The following DDHD2 variants were observed in gnomAD, a reference collection of about 807,000 sequenced individuals.
The protein encoded by DDHD2 is triacylglycerol hydrolase DDHD2.
Under a neutral mutation model 91.2 loss-of-function variants are expected in DDHD2, and 62 were observed. The ratio of observed to expected loss-of-function variants is 0.68; its 90% CI spans 0.55 to 0.84. The LOEUF is 0.84. Ranked by LOEUF, DDHD2 falls within the 40% of genes least tolerant of loss-of-function variation. The pLI, the probability that DDHD2 is intolerant of heterozygous loss-of-function variation, is 0.00. For synonymous variants in DDHD2, 271 were observed against 293.9 expected (o/e 0.92, Z 0.80); for missense variants, 740 against 846.9 (o/e 0.87, Z 1.57).
chr8:38,239,670 G>C (rs1207128298), intron 5 of DDHD2, among the ~76,000 whole-genome samples: 1 of 120,824 alleles, frequency 8.3e-6, no homozygotes, highest in Non-Finnish European at 1.7e-5. Context: ...CTGGGTGACA[G>C]AGCAAGACTC....
intron 9 of DDHD2, chr8:38,246,951 ACT>A (rs1294254521): frequency 2.6e-5 from 4 of 152,264 alleles, no homozygotes; most frequent in Admixed American, 6.5e-5. Flanking sequence ...ATTTATAGAA[ACT>A]CTGTTCGAAA....
chr8:38,268,792 T>C, intron 1 of DDHD2: 2 of 1,445,822 alleles, frequency 1.4e-6, no homozygotes, highest in Non-Finnish European at 1.8e-6. Flanking sequence ...AGTGGGTCCC[T>C]ACAAAGGCCG....
chr8:38,244,023 G>T (rs191442754), intron 7 of DDHD2, among the ~76,000 whole-genome samples: 2 of 151,696 alleles, frequency 1.3e-5, no homozygotes, highest in African/African-American at 4.8e-5. Flanking sequence ...GGCTGGTCTC[G>T]AACTCTTGAC....
intron 16 of DDHD2, 100 bp downstream of exon 16, chr8:38,253,818 G>A: frequency 8.0e-7 from 1 of 1,245,868 alleles, no homozygotes; most frequent in South Asian, 1.4e-5. Flanking sequence ...ATTGGCTCAG[G>A]CTTATAATCT....
At chr8:38,235,871 G>GCACA (rs1439175045) in intron 3 of DDHD2, among the ~76,000 whole-genome samples, 1 of 50,390 alleles carries the variant, frequency 2.0e-5, no homozygotes, top group Non-Finnish European at 4.2e-5. Flanking sequence ...AAAAGTACAC[G>GCACA]CGCACACACA....
At chr8:38,269,096 C>T (rs1214803804) in intron 1 of DDHD2, 1 of 1,525,758 alleles carries the variant, frequency 6.6e-7, no homozygotes, top group African/African-American at 1.4e-5. Flanking sequence ...GAAGCGGGGC[C>T]GCCCGGGCCC....
chr8:38,268,177 T>A, intron 1 of DDHD2: 1 of 1,204,866 alleles, frequency 8.3e-7, no homozygotes, highest in African/African-American at 1.5e-5. Context: ...CCAGTGCATT[T>A]AGGCACAGGG....
intron 5 of DDHD2, among the ~76,000 whole-genome samples, chr8:38,240,066 GA>G (rs1805133772): frequency 6.6e-6 from 1 of 151,898 alleles, no homozygotes; most frequent in Admixed American, 6.6e-5. Context: ...AAAAAGTCCT[GA>G]AAAAAATTTT....
chr8:38,238,279 C>A (rs1267883006), intron 5 of DDHD2, 70 bp downstream of exon 5: 4 of 1,595,700 alleles, frequency 2.5e-6, no homozygotes, highest in Admixed American at 1.7e-5. Context: ...TGACCTTTTT[C>A]TGTGGATTTA....
intron 16 of DDHD2, among the ~76,000 whole-genome samples, chr8:38,259,219 C>CTT (rs34652032): frequency 4.4e-4 from 63 of 142,728 alleles, no homozygotes; most frequent in Middle Eastern, 3.6e-3. Context: ...TTCTTACTGG[C>CTT]TTTTTTTTTT....
Position 38,251,994 on chromosome 8 carries a change from G to A in DDHD2, c.1427G>A (p.Arg476Lys), listed in dbSNP as rs756488480. The A allele has an allele frequency of 1.2e-6, 2 of 1,614,042 alleles. No individual in the cohort carries two copies. The highest frequency in any genetic ancestry group is 1.7e-6 in the Non-Finnish European group (2 of 1,179,994). The part of the protein sequence containing the change: ...ESEFCSSSNT[R>K]NGDYLDVGIG... ...GAGTTCTGCAGTAGCAGTAATACTA[G>A]AAATGGTGACTATCTGGATGTTGGC... Residue 476 changes from arginine (R) to lysine (K), a missense_variant, in exon 12 of 18, where the codon AGA (arginine) becomes AAA (lysine). By Grantham distance (26) the Arg-to-Lys change is conservative. This residue lies in a region of DDHD2 where 693 missense variants were observed against 764.2 expected (regional missense o/e 0.91). Transcript: ENST00000397166.
At chr8:38,232,943 A>C in intron 1 of DDHD2, 44 bp from the exon 2 acceptor site, 1 of 1,450,514 alleles carries the variant, frequency 6.9e-7, no homozygotes, top group Non-Finnish European at 9.6e-7. Flanking sequence ...GCGAACAGTT[A>C]CACAGTTAAG....
chr8:38,266,469 C>T (rs893472482), downstream of DDHD2: 24 of 657,406 alleles, frequency 3.7e-5, no homozygotes, highest in South Asian at 8.0e-5. Flanking sequence ...GGCACCATCT[C>T]GGCTCACTGC....
chr8:38,268,920 A>C (rs1230377615), intron 1 of DDHD2: 1 of 1,560,916 alleles, frequency 6.4e-7, no homozygotes. Context: ...GCCTCCACGT[A>C]GGGGTTCCGG....
chr8:38,239,501 CG>C (rs1369827391), intron 5 of DDHD2, among the ~76,000 whole-genome samples: 1 of 150,448 alleles, frequency 6.6e-6, no homozygotes, highest in Admixed American at 6.6e-5. Flanking sequence ...CTGGCTAACA[CG>C]GTGAAACACC....
Position 38,253,537 on chromosome 8 carries a change from A to G in DDHD2, c.1892-19A>G, listed in dbSNP as rs928428379. The G allele has an allele frequency of 8.7e-6, 14 of 1,603,276 alleles. No homozygotes were observed. Among genetic ancestry groups the G allele is most frequent in the Non-Finnish European group, 3.4e-6 (4 of 1,176,710 alleles). The stretch of plus-strand genomic sequence containing the variant: ...GGCCAAAAGGTTTTAGATTCTTATT[A>G]TGGTTCTTCCATATCCAGATGTTAA... On this transcript the variant is annotated intron_variant, in intron 15 of 17. Transcript: ENST00000397166.
At chr8:38,264,359 C>T (rs1807267172), downstream of DDHD2, 2 of 1,131,712 alleles carry the variant, frequency 1.8e-6, no homozygotes, top group Non-Finnish European at 1.2e-6. Context: ...CAGGCTGGTC[C>T]TGACCTCAGG....
downstream of DDHD2, chr8:38,264,444 T>C: frequency 6.5e-7 from 1 of 1,546,088 alleles, no homozygotes. Flanking sequence ...GATTCAATTT[T>C]TAAATATCAA....
At chr8:38,236,865 G>A (rs1026670352) in intron 3 of DDHD2, among the ~76,000 whole-genome samples, 1 of 151,350 alleles carries the variant, frequency 6.6e-6, no homozygotes, top group South Asian at 2.1e-4. Context: ...GGGTTTTGCC[G>A]TGTTGGCCAG....
Sources: gnomAD v4.1 joint callset for allele counts (sites outside exome capture counted in the v4.1 genomes callset) on GRCh38, gnomAD v4.1.1 for gene constraint, gnomAD v4.1.1 regional missense constraint, MANE v1.5 for transcripts, NCBI Gene and HGNC (gene_info 2026-07-23, HGNC 2026-07-21) for gene names.